CDH8: variants seen among roughly 807,000 people sequenced by gnomAD.
The protein encoded by CDH8 is cadherin 8.
In CDH8, 17 loss-of-function variants were observed where a neutral mutation model predicts 68.1. The ratio of observed to expected loss-of-function variants is 0.25; its 90% confidence interval spans 0.17 to 0.37. The LOEUF is 0.37. CDH8 is among the 10% of genes least tolerant of loss of function. The probability of loss-of-function intolerance (pLI) is 1.00; values close to 1 mark genes in which losing one functional copy is unlikely to be tolerated. For synonymous variants in CDH8, 372 were observed against 365.1 expected (o/e 1.02, Z -0.21); for missense variants, 763 against 999.3 (o/e 0.76, Z 3.19).
chr16:61,896,833 C>A (rs897613209), intron 3 of CDH8, among the ~76,000 whole-genome samples: 1 of 151,928 alleles, frequency 6.6e-6, no homozygotes, highest in African/African-American at 2.4e-5. Flanking sequence ...TTTGGCATAC[C>A]TTTACATTGT....
At chr16:62,034,137 C>T (rs1902394098) in intron 1 of CDH8, among the ~76,000 whole-genome samples, 1 of 152,132 alleles carries the variant, frequency 6.6e-6, no homozygotes, top group Non-Finnish European at 1.5e-5. Context: ...TACCACTTCT[C>T]TCTGTAGAAG....
At chr16:61,779,844 C>T (rs535413252) in intron 8 of CDH8, among the ~76,000 whole-genome samples, 3 of 152,226 alleles carry the variant, frequency 2.0e-5, no homozygotes, top group South Asian at 2.1e-4. Context: ...ACAGAAAAAC[C>T]GTTTCGTTCA....
At chr16:61,765,372 C>T (rs572624611) in intron 8 of CDH8, among the ~76,000 whole-genome samples, 37 of 152,042 alleles carry the variant, frequency 2.4e-4, no homozygotes, top group Admixed American at 4.6e-4. Flanking sequence ...GTCATTATAG[C>T]CATGATTTCA....
At chr16:61,736,827 T>G (rs1959700584) in intron 8 of CDH8, among the ~76,000 whole-genome samples, 2 of 152,186 alleles carry the variant, frequency 1.3e-5, no homozygotes, top group Non-Finnish European at 2.9e-5. Flanking sequence ...CCAAAATGTT[T>G]GCCTTTCATC....
chr16:62,027,794 T>G lies in CDH8; in HGVS notation c.-199-6192A>C, dbSNP rs73568782. Among the ~76,000 whole-genome samples, 1,331 of 152,328 alleles carry G rather than the reference T, an allele frequency of 8.7e-3. 18 individuals are homozygous for G. Among genetic ancestry groups the G allele is most frequent in the African/African-American group, 0.03 (1,237 of 41,566 alleles). ...AAATACACTTGCATTTATTCAAATA[T>G]AAATAATACAGGAAGATCACCTTTC... is the stretch of plus-strand genomic sequence containing the variant. On this transcript the variant is annotated intron_variant, in intron 1 of 11. Coordinates refer to ENST00000577390, the MANE Select transcript of CDH8 (RefSeq NM_001796.5).
intron 10 of CDH8, among the ~76,000 whole-genome samples, chr16:61,677,031 T>C (rs887381086): frequency 2.6e-4 from 39 of 151,990 alleles, no homozygotes; most frequent in African/African-American, 8.9e-4. Flanking sequence ...CAAAAAAAGA[T>C]GGCTTTTTAT....
chr16:61,647,585 A>G lies in CDH8; in HGVS notation c.*6023T>C. The G allele has an allele frequency of 1.9e-6, 1 of 538,784 alleles. No homozygotes were observed. Among genetic ancestry groups the G allele is most frequent in the Non-Finnish European group, 3.3e-6 (1 of 303,532 alleles). The allele number at this position is 538,784 out of a possible 1,614,324, so 33.4% of individuals were successfully genotyped here. ...GGATGGCCTGAAGTTCTTTGCATGT[A>G]CAGAAGAAATCCCAAGAAATTAACA... On this transcript the variant is annotated 3_prime_UTR_variant, in exon 12 of 12. Transcript: ENST00000577390.
At chr16:61,880,796 C>T (rs1963560248) in intron 3 of CDH8, among the ~76,000 whole-genome samples, 1 of 152,212 alleles carries the variant, frequency 6.6e-6, no homozygotes, top group African/African-American at 2.4e-5. Context: ...CAATAACATT[C>T]AGCAAGAGGC....
chr16:61,782,815 C>T (rs1345989977), intron 8 of CDH8, among the ~76,000 whole-genome samples: 1 of 152,140 alleles, frequency 6.6e-6, no homozygotes, highest in Non-Finnish European at 1.5e-5. Flanking sequence ...GGAGGCACCC[C>T]CCAGCAGGGG....
chr16:61,846,807 G>A (rs564799657), intron 4 of CDH8, among the ~76,000 whole-genome samples: 8 of 151,948 alleles, frequency 5.3e-5, no homozygotes, highest in Non-Finnish European at 8.8e-5. Context: ...AAACAGACTG[G>A]GATACTCAAG....
chr16:61,787,221 A>G (rs1347887871), intron 8 of CDH8, among the ~76,000 whole-genome samples: 1 of 151,066 alleles, frequency 6.6e-6, no homozygotes, highest in African/African-American at 2.4e-5. Context: ...CGGAATCTAC[A>G]ATGAACTCAA....
At chr16:61,789,814 C>T (rs1041838764) in intron 7 of CDH8, among the ~76,000 whole-genome samples, 3 of 152,000 alleles carry the variant, frequency 2.0e-5, no homozygotes, top group Non-Finnish European at 4.4e-5. Context: ...TTAGCAGTTG[C>T]CACAAAATAT....
At chr16:61,837,293 C>T (rs972042857) in intron 4 of CDH8, among the ~76,000 whole-genome samples, 4 of 151,968 alleles carry the variant, frequency 2.6e-5, no homozygotes, top group Admixed American at 1.3e-4. Context: ...TCTCATTTTG[C>T]ATTTTTTCTT....
At chr16:61,741,774 A>G (rs569549290) in intron 8 of CDH8, among the ~76,000 whole-genome samples, 1 of 152,226 alleles carries the variant, frequency 6.6e-6, no homozygotes, top group African/African-American at 2.4e-5. Context: ...CCTTCATATA[A>G]TGATATTATA....
chr16:61,821,218 A>T, intron 5 of CDH8, 105 bp from the exon 6 acceptor site: 1 of 692,976 alleles, frequency 1.4e-6, no homozygotes, highest in Non-Finnish European at 2.4e-6. Flanking sequence ...GCATTCCTAT[A>T]GATGCTACCA....
intron 2 of CDH8, among the ~76,000 whole-genome samples, chr16:61,904,153 A>G (rs1964026705): frequency 6.6e-6 from 1 of 152,162 alleles, no homozygotes; most frequent in Non-Finnish European, 1.5e-5. Flanking sequence ...TGACTTGTTC[A>G]GGTAACCAAC....
intron 6 of CDH8, among the ~76,000 whole-genome samples, chr16:61,819,613 T>G (rs1366855873): frequency 6.6e-6 from 1 of 152,220 alleles, no homozygotes; most frequent in Non-Finnish European, 1.5e-5. Flanking sequence ...TTTTCAAAAT[T>G]GATTTTTAAA....
intron 2 of CDH8, among the ~76,000 whole-genome samples, chr16:61,959,916 CAGAG>C (rs1965060321): frequency 7.1e-6 from 1 of 140,598 alleles, no homozygotes; most frequent in South Asian, 2.2e-4. Flanking sequence ...TACACACACA[CAGAG>C]GGAGGATATG....
At chr16:61,925,011 G>C (rs1480245707) in intron 2 of CDH8, among the ~76,000 whole-genome samples, 4 of 152,130 alleles carry the variant, frequency 2.6e-5, no homozygotes, top group Non-Finnish European at 4.4e-5. Flanking sequence ...TTATTATTCA[G>C]TCATAATTAA....
Sources: allele counts gnomAD v4.1 joint callset (sites outside exome capture counted in the v4.1 genomes callset), GRCh38; gene constraint gnomAD v4.1.1; transcripts MANE v1.5; gene names NCBI Gene and HGNC (gene_info 2026-07-23, HGNC 2026-07-21).